The following CTNNA3 variants were observed in gnomAD, a reference collection of about 807,000 sequenced individuals.
CTNNA3 encodes the protein catenin alpha 3.
Under a neutral mutation model 95.7 loss-of-function variants are expected in CTNNA3, and 76 were observed. The ratio of observed to expected loss-of-function variants is 0.79; its 90% CI spans 0.66 to 0.96. The LOEUF (loss-of-function observed/expected upper bound fraction) is 0.96. Among genes scored for constraint, CTNNA3 ranks in the 40% least tolerant of loss-of-function variants. The probability of loss-of-function intolerance (pLI) is 0.00; values close to 1 mark genes in which losing one functional copy is unlikely to be tolerated. For synonymous variants in CTNNA3, 431 were observed against 374.4 expected, an observed-to-expected ratio of 1.15 and a Z score of -1.74; for missense variants, 1,191 against 1,089.8, an observed-to-expected ratio of 1.09 and a Z score of -1.31.
At chr10:66,683,787 C>T (rs1302592813) in intron 9 of CTNNA3, among the ~76,000 whole-genome samples, 2 of 152,036 alleles carry the variant, frequency 1.3e-5, no homozygotes, top group African/African-American at 4.8e-5. Context: ...TAAACAAAAG[C>T]AATCATTTTG....
At chr10:66,903,406 C>A (rs920276074) in intron 7 of CTNNA3, among the ~76,000 whole-genome samples, 2 of 152,112 alleles carry the variant, frequency 1.3e-5, no homozygotes, top group Admixed American at 1.3e-4. Context: ...TTATGACAAA[C>A]CCACAGCCAA....
At chr10:67,013,594 T>A (rs1294872778) in intron 7 of CTNNA3, among the ~76,000 whole-genome samples, 3 of 152,202 alleles carry the variant, frequency 2.0e-5, no homozygotes, top group African/African-American at 7.2e-5. Context: ...TACTTGTTGA[T>A]GGCTATGAGT....
intron 5 of CTNNA3, among the ~76,000 whole-genome samples, chr10:67,257,364 T>C (rs903850935): frequency 1.3e-5 from 2 of 152,242 alleles, no homozygotes; most frequent in African/African-American, 4.8e-5. Flanking sequence ...AAATTTCAGT[T>C]TAAACTAGGA....
chr10:67,146,047 C>T (rs1376549718), intron 7 of CTNNA3, among the ~76,000 whole-genome samples: 1 of 152,100 alleles, frequency 6.6e-6, no homozygotes, highest in East Asian at 1.9e-4. Flanking sequence ...GAATCATCTT[C>T]TATGGATCCA....
chr10:66,845,498 G>A (rs1383697233), intron 7 of CTNNA3, among the ~76,000 whole-genome samples: 1 of 151,678 alleles, frequency 6.6e-6, no homozygotes, highest in Non-Finnish European at 1.5e-5. Context: ...GAGGTCGGGA[G>A]TTCGAGACCA....
In CTNNA3 at chr10:66,927,336, G is replaced by A; in HGVS notation, c.1048-151812C>T. The A allele has an allele frequency of 6.2e-7, 1 of 1,614,138 alleles. No homozygotes were observed. The highest frequency in any genetic ancestry group is 8.5e-7 in the Non-Finnish European group (1 of 1,180,040). The stretch of plus-strand genomic sequence containing the variant: ...TGACAAATTTACGGAACTTGGATCT[G>A]TCCTATAATCAGCTGCATTCTCTGG... On this transcript the variant is annotated intron_variant, in intron 7 of 17. Coordinates refer to ENST00000433211, the MANE Select transcript of CTNNA3 (RefSeq NM_013266.4). The surrounding 1 kb of genome is among the most constrained non-coding windows in gnomAD (Gnocchi z 4.7).
intron 9 of CTNNA3, among the ~76,000 whole-genome samples, chr10:66,687,700 CATATAT>C (rs138007950): frequency 5.4e-5 from 8 of 147,364 alleles, no homozygotes; most frequent in Admixed American, 2.7e-4. Flanking sequence ...TGTATTGATT[CATATAT>C]ATATATATAT....
At chr10:66,445,851 TA>T (rs1422029567) in intron 11 of CTNNA3, among the ~76,000 whole-genome samples, 3 of 151,692 alleles carry the variant, frequency 2.0e-5, no homozygotes, top group Admixed American at 6.6e-5. Context: ...AATAGACACA[TA>T]AAAAAACTTT....
chr10:67,420,989 T>A (rs1204617021), intron 5 of CTNNA3, among the ~76,000 whole-genome samples: 2 of 152,062 alleles, frequency 1.3e-5, no homozygotes, highest in Non-Finnish European at 2.9e-5. Context: ...AGACACAAGG[T>A]ACATGTTAAA....
rs1021006733 is a variant in CTNNA3 at position 66,306,348 on chromosome 10, C to T, written c.1733-25727G>A. 1.8e-4 allele frequency among the ~76,000 whole-genome samples: 28 copies of T among 152,130 alleles called. 1 individual carries two copies. The highest frequency in any genetic ancestry group is 2.9e-5 in the Non-Finnish European group (2 of 68,024). ...AATAAGGTCCTTCCCTGTTCTGAGT[C>T]TTCTTTTATTTTTTTAACTGCCACA... On this transcript the variant is annotated intron_variant, in intron 12 of 17. Coordinates refer to ENST00000433211, the MANE Select transcript of CTNNA3 (RefSeq NM_013266.4).
At chr10:66,421,638 T>A (rs4402183) in intron 11 of CTNNA3, among the ~76,000 whole-genome samples, 17,634 of 151,168 alleles carry the variant, frequency 0.12, 1,489 homozygotes, top group African/African-American at 0.24. Context: ...ATCGAGACCA[T>A]CCTGGCCAAA....
At chr10:66,536,810 G>C (rs1841675266) in intron 10 of CTNNA3, among the ~76,000 whole-genome samples, 1 of 152,034 alleles carries the variant, frequency 6.6e-6, no homozygotes, top group African/African-American at 2.4e-5. Context: ...ATTCTTCATT[G>C]AGCGTTGCAC....
At chr10:67,561,908 G>C (rs190517270) in intron 3 of CTNNA3, among the ~76,000 whole-genome samples, 231 of 152,094 alleles carry the variant, frequency 1.5e-3, no homozygotes, top group Non-Finnish European at 1.9e-3. Flanking sequence ...ATAAATTCCT[G>C]GACACATACA....
At chr10:67,597,886 G>T (rs1158066869) in intron 3 of CTNNA3, among the ~76,000 whole-genome samples, 1 of 152,200 alleles carries the variant, frequency 6.6e-6, no homozygotes, top group African/African-American at 2.4e-5. Flanking sequence ...GGTGCACACT[G>T]GTGAGGGCCC....
At chr10:66,055,525 T>C (rs1183944352) in intron 15 of CTNNA3, among the ~76,000 whole-genome samples, 7 of 152,216 alleles carry the variant, frequency 4.6e-5, no homozygotes, top group Non-Finnish European at 8.8e-5. Context: ...TGCTTGCTGT[T>C]GTTATATAGA....
At chr10:66,914,101 C>A (rs1846355677) in intron 7 of CTNNA3, among the ~76,000 whole-genome samples, 1 of 150,492 alleles carries the variant, frequency 6.6e-6, no homozygotes, top group African/African-American at 2.4e-5. Flanking sequence ...AATCCACCAC[C>A]AAAACCTTGC....
intron 7 of CTNNA3, among the ~76,000 whole-genome samples, chr10:67,113,880 C>T (rs1277134589): frequency 6.6e-6 from 1 of 151,972 alleles, no homozygotes; most frequent in Non-Finnish European, 1.5e-5. Flanking sequence ...AAGAATTTTT[C>T]CAGCCTGAGC....
In CTNNA3 at chr10:67,424,910, A is replaced by G. The variant is rs553742902; in HGVS notation, c.579+96932T>C. Among the ~76,000 whole-genome samples, 6 of 152,212 alleles carry G rather than the reference A, an allele frequency of 3.9e-5. 1 individual carries two copies. The South Asian group carries it at 1.2e-3, about 32-fold the overall frequency. On this transcript the variant is annotated intron_variant, in intron 5 of 17. Coordinates refer to ENST00000433211, the MANE Select transcript of CTNNA3 (RefSeq NM_013266.4). Reference sequence around the variant, plus strand: ...TGCTAACTTTCCCACTTCTTTTGAAAATACTCAAAAAACATTTAATTTAAT... The same window carrying G: ...TGCTAACTTTCCCACTTCTTTTGAAGATACTCAAAAAACATTTAATTTAAT...
rs1399942049 is a variant in CTNNA3, at chr10:66,393,115, TG to T, written c.1532-13764del. Among the ~76,000 whole-genome samples, 5 of 152,248 alleles carry T rather than the reference TG, an allele frequency of 3.3e-5. No homozygotes were observed. The East Asian group carries it at 9.7e-4, about 29-fold the overall frequency. ...ACATGCAGGAAATTTAAATGCATAC[TG>T]CTAATGAAAGAAGTCAATCTGAAAG... On this transcript the variant is annotated intron_variant, in intron 11 of 17. Transcript: ENST00000433211.
Sources: gnomAD v4.1 joint callset for allele counts (sites outside exome capture counted in the v4.1 genomes callset) on GRCh38, gnomAD v4.1.1 for gene constraint, Gnocchi (gnomAD v3.1) non-coding constraint, MANE v1.5 for transcripts, NCBI Gene and HGNC (gene_info 2026-07-23, HGNC 2026-07-21) for gene names.